The following RAI1 variants were observed in gnomAD, a reference collection of about 807,000 sequenced individuals.
RAI1 encodes the protein retinoic acid induced 1.
In RAI1, 9 loss-of-function variants were observed where a neutral mutation model predicts 123.8. The observed-to-expected ratio is 0.07, with a 90% CI of 0.04 to 0.13. The LOEUF is 0.13. RAI1 is among the 10% of genes least tolerant of loss of function. The pLI is 1.00. For synonymous variants in RAI1, 1,231 were observed against 1,127.3 expected, an observed-to-expected ratio of 1.09 and a Z score of -1.84; for missense variants, 2,256 against 2,545.8, an observed-to-expected ratio of 0.89 and a Z score of 2.45.
At chr17:17,767,460 T>C (rs1404049577) in intron 2 of RAI1, among the ~76,000 whole-genome samples, 1 of 152,060 alleles carries the variant, frequency 6.6e-6, no homozygotes, top group East Asian at 1.9e-4. Context: ...TGAAGTCAGC[T>C]CCAGCCCCTC....
intron 2 of RAI1, among the ~76,000 whole-genome samples, chr17:17,746,082 A>C (rs1210177890): frequency 2.6e-5 from 4 of 151,750 alleles, no homozygotes; most frequent in Admixed American, 2.6e-4. Flanking sequence ...CTTGGCCAGC[A>C]GATCCTCCAC....
intron 2 of RAI1, among the ~76,000 whole-genome samples, chr17:17,756,545 T>C (rs1274982795): frequency 6.6e-6 from 1 of 152,226 alleles, no homozygotes; most frequent in African/African-American, 2.4e-5. Flanking sequence ...GTGTGTTTGC[T>C]TTCCACTGTC....
intron 1 of RAI1, among the ~76,000 whole-genome samples, chr17:17,695,040 C>T (rs1914975501): frequency 6.6e-6 from 1 of 152,112 alleles, no homozygotes; most frequent in Admixed American, 6.5e-5. Flanking sequence ...CTCTGCTTAC[C>T]GAGCCCGGCA....
At chr17:17,725,430 G>A (rs1916054816) in intron 2 of RAI1, among the ~76,000 whole-genome samples, 1 of 152,168 alleles carries the variant, frequency 6.6e-6, no homozygotes, top group Non-Finnish European at 1.5e-5. Flanking sequence ...GGATGAAGGG[G>A]GAGGAGAGTG....
intron 1 of RAI1, among the ~76,000 whole-genome samples, chr17:17,703,352 A>G (rs1486929985): frequency 6.6e-6 from 1 of 152,194 alleles, no homozygotes; most frequent in South Asian, 2.1e-4. Flanking sequence ...AACCTGGGGA[A>G]TAGAGCGTGT....
At chr17:17,802,294 G>A in intron 3 of RAI1, 1 of 411,936 alleles carries the variant, frequency 2.4e-6, no homozygotes, top group Admixed American at 2.5e-5. Flanking sequence ...TCACAGGTCT[G>A]AGAGCTGGTC....
chr17:17,778,987 C>T (rs1405884223), intron 2 of RAI1: 1 of 434,264 alleles, frequency 2.3e-6, no homozygotes, highest in South Asian at 1.6e-5. Context: ...ATTCTGTTCA[C>T]TCTGGGAGAA....
intron 2 of RAI1, among the ~76,000 whole-genome samples, chr17:17,727,540 C>T (rs544188551): frequency 6.6e-6 from 1 of 152,324 alleles, no homozygotes; most frequent in African/African-American, 2.4e-5. Context: ...CGGGATCTGG[C>T]GGCTACAGGC....
chr17:17,807,528 T>C (rs965475261), intron 4 of RAI1, among the ~76,000 whole-genome samples: 7 of 152,224 alleles, frequency 4.6e-5, no homozygotes, highest in African/African-American at 1.7e-4. Context: ...TGTCTCAACC[T>C]TTCCCCACTC....
intron 1 of RAI1, among the ~76,000 whole-genome samples, chr17:17,702,814 G>A (rs1915268850): frequency 6.6e-6 from 1 of 152,212 alleles, no homozygotes; most frequent in African/African-American, 2.4e-5. Flanking sequence ...CAGACACTGA[G>A]GCCAGTCGGG....
chr17:17,714,395 G>A lies in RAI1; in HGVS notation c.-148-9633G>A, dbSNP rs555252655. 9.2e-5 allele frequency among the ~76,000 whole-genome samples: 14 copies of A among 152,282 alleles called. No individual in the cohort carries two copies. The South Asian group carries it at 2.9e-3, about 32-fold the overall frequency. On this transcript the variant is annotated intron_variant, in intron 1 of 5. Coordinates refer to ENST00000353383, the MANE Select transcript of RAI1 (RefSeq NM_030665.4). This position sits in a 1 kb window ranked among gnomAD's most constrained non-coding sequence, Gnocchi z 4.9. ...TAACCAAGTAGGATTTCCACATTCA[G>A]TGTCTAGGCCATCGCTGTGAAATTG...
Position 17,795,563 on chromosome 17 carries a change from C to A in RAI1, c.2615C>A (p.Ser872Tyr). The A allele has an allele frequency of 1.2e-6, 2 of 1,609,992 alleles. No homozygotes were observed. The highest frequency in any genetic ancestry group is 1.1e-5 in the South Asian group (1 of 90,430). The change falls in exon 3 of 6, where the codon TCC becomes TAC. Residue 872 changes from serine (S) to tyrosine (Y), a missense_variant. Physicochemically the swap from Ser to Tyr is moderately radical, Grantham distance 144. Around this residue, in one of 7 missense-constraint regions of RAI1, gnomAD observed 566 missense variants for 616.0 expected, o/e 0.92. Transcript: ENST00000353383. The surrounding 1 kb of genome is among the most constrained non-coding windows in gnomAD (Gnocchi z 5.9). ...KEDLEAEEEY[S>Y]SLCELLGSPE... is the part of the protein sequence containing the mutation. The stretch of plus-strand genomic sequence containing the variant: ...GACCTGGAAGCTGAGGAGGAGTACT[C>A]CTCCCTATGTGAGCTCCTGGGCAGC...
At chr17:17,766,241 C>G (rs1165148620) in intron 2 of RAI1, 1 of 152,180 alleles carries the variant, frequency 6.6e-6, no homozygotes, top group African/African-American at 2.4e-5. Context: ...CTCTGAGACC[C>G]CCACTCCTAA....
chr17:17,755,775 C>T (rs1354687436), intron 2 of RAI1, among the ~76,000 whole-genome samples: 1 of 152,214 alleles, frequency 6.6e-6, no homozygotes, highest in African/African-American at 2.4e-5. Flanking sequence ...CCAGCTCCTC[C>T]CCTGGCACCC....
At chr17:17,778,968 G>A (rs769737127) in intron 2 of RAI1, 4 of 450,738 alleles carry the variant, frequency 8.9e-6, no homozygotes, top group Non-Finnish European at 1.3e-5. Context: ...ATTCTGAACC[G>A]CAGAAAGTAT....
chr17:17,783,161 T>C (rs1223747602), intron 2 of RAI1, among the ~76,000 whole-genome samples: 2 of 152,082 alleles, frequency 1.3e-5, no homozygotes, highest in Non-Finnish European at 2.9e-5. Flanking sequence ...CAGCGCCCCC[T>C]TCCTCTCTCC....
rs952784831 is a variant in RAI1 at position 17,801,181 on chromosome 17, C to T, written c.5566-2575C>T. On this transcript the variant is annotated intron_variant, in intron 3 of 5. Coordinates refer to ENST00000353383, the MANE Select transcript of RAI1 (RefSeq NM_030665.4). The surrounding 1 kb of genome is among the most constrained non-coding windows in gnomAD (Gnocchi z 4.1). ...CTATCTCTGAGCCCTGCCTGCCCTT[C>T]CCCCAAAGCCATCATAGACCCCTAC... Among the ~76,000 whole-genome samples, 1 of 152,152 alleles carries T rather than the reference C, an allele frequency of 6.6e-6. No homozygotes were observed. Among genetic ancestry groups the T allele is most frequent in the Admixed American group, 6.6e-5 (1 of 15,266 alleles).
intron 2 of RAI1, among the ~76,000 whole-genome samples, chr17:17,729,201 C>G (rs60355855): frequency 6.6e-6 from 1 of 152,242 alleles, no homozygotes; most frequent in Non-Finnish European, 1.5e-5. Context: ...TGCTGGGTAC[C>G]TGTGCCATGT....
chr17:17,691,545 C>G (rs1041884138), intron 1 of RAI1, among the ~76,000 whole-genome samples: 17 of 152,320 alleles, frequency 1.1e-4, no homozygotes, highest in African/African-American at 4.1e-4. Flanking sequence ...TTGGGGAGGT[C>G]TTTCCAGCTG....
Sources: allele counts gnomAD v4.1 joint callset (sites outside exome capture counted in the v4.1 genomes callset), GRCh38; gene constraint gnomAD v4.1.1; regional missense constraint gnomAD v4.1.1; non-coding constraint Gnocchi (gnomAD v3.1); transcripts MANE v1.5; gene names NCBI Gene and HGNC (gene_info 2026-07-23, HGNC 2026-07-21).